B4GALNT3: variants seen among roughly 807,000 people sequenced by gnomAD.
The protein encoded by B4GALNT3 is beta-1,4-N-acetyl-galactosaminyltransferase 3.
In B4GALNT3, 86 loss-of-function variants were observed where a neutral mutation model predicts 120.2. The observed-to-expected ratio is 0.72, with a 90% CI of 0.60 to 0.86. B4GALNT3 has a LOEUF of 0.86. Among genes scored for constraint, B4GALNT3 ranks in the 40% least tolerant of loss-of-function variants. The pLI, the probability that B4GALNT3 is intolerant of heterozygous loss-of-function variation, is 0.00. For synonymous variants in B4GALNT3, 518 were observed against 510.4 expected (o/e 1.01, Z -0.20); for missense variants, 1,167 against 1,298.9 (o/e 0.90, Z 1.56).
At chr12:496,070 G>T (rs183838410) in intron 1 of B4GALNT3, among the ~76,000 whole-genome samples, 1 of 152,214 alleles carries the variant, frequency 6.6e-6, no homozygotes, top group Admixed American at 6.5e-5. Flanking sequence ...CTTCAGAGTT[G>T]CAGAGAACCC....
intron 1 of B4GALNT3, among the ~76,000 whole-genome samples, chr12:529,027 G>A (rs1946782203): frequency 1.3e-5 from 2 of 152,126 alleles, no homozygotes; most frequent in Admixed American, 1.3e-4. Context: ...CAGGTCCTTT[G>A]CATGTGGTGG....
intron 12 of B4GALNT3, 56 bp downstream of exon 12, chr12:552,219 C>G: frequency 6.8e-7 from 1 of 1,473,038 alleles, no homozygotes; most frequent in Non-Finnish European, 9.5e-7. Flanking sequence ...CTGCGGGAGC[C>G]AGGAGAGCTG....
chr12:505,663 C>G (rs1457865384), intron 1 of B4GALNT3, among the ~76,000 whole-genome samples: 3 of 152,328 alleles, frequency 2.0e-5, no homozygotes, highest in Non-Finnish European at 2.9e-5. Flanking sequence ...AGTATTGTCT[C>G]CCTGCCACAC....
intron 1 of B4GALNT3, among the ~76,000 whole-genome samples, chr12:531,180 T>C (rs560885241): frequency 6.6e-6 from 1 of 151,584 alleles, no homozygotes; most frequent in East Asian, 1.9e-4. Context: ...GAAGAGGAAA[T>C]ATCCCAATGC....
chr12:540,898 C>T lies in B4GALNT3; in HGVS notation c.352-3441C>T, dbSNP rs55838918. Among the ~76,000 whole-genome samples the T allele has an allele frequency of 4.8e-3, 731 of 152,288 alleles. 6 individuals are homozygous for T. The highest frequency in any genetic ancestry group is 0.016 in the African/African-American group (678 of 41,556). ...AGCTGGGACTACAGGCACCCACCAC[C>T]GCGCCCAGCTAATTTTTTGTATTTT... is the stretch of plus-strand genomic sequence containing the variant. On this transcript the variant is annotated intron_variant, in intron 3 of 19. Coordinates refer to ENST00000266383, the MANE Select transcript of B4GALNT3 (RefSeq NM_173593.4).
At chr12:532,665 C>T (rs1946819444) in intron 1 of B4GALNT3, among the ~76,000 whole-genome samples, 1 of 152,120 alleles carries the variant, frequency 6.6e-6, no homozygotes, top group East Asian at 1.9e-4. Context: ...GGGGGTTCTA[C>T]TAAACTGACC....
intron 1 of B4GALNT3, among the ~76,000 whole-genome samples, chr12:485,817 A>G (rs146038174): frequency 0.014 from 2,149 of 152,288 alleles, 206 homozygotes; most frequent in Admixed American, 0.13. Context: ...CCTAACCACA[A>G]GTAAAGAGCT....
intron 1 of B4GALNT3, among the ~76,000 whole-genome samples, chr12:492,331 G>A (rs1270982751): frequency 6.6e-6 from 1 of 152,186 alleles, no homozygotes; most frequent in East Asian, 1.9e-4. Flanking sequence ...CAATGAACAA[G>A]TGGAATTTGA....
rs768340763 is a variant in B4GALNT3 at position 549,876 on chromosome 12, A to G, written c.961A>G (p.Met321Val). 9.3e-6 allele frequency: 15 copies of G among 1,613,452 alleles called. No individual in the cohort carries two copies. Among genetic ancestry groups the G allele is most frequent in the African/African-American group, 1.3e-5 (1 of 74,932 alleles). ...CAGGGATGAGCAGCCGCCCGCTGACATGCTTCGGCCTGACCCCCGGGACAC... is the reference window on the plus strand; with the variant it reads ...CAGGGATGAGCAGCCGCCCGCTGACGTGCTTCGGCCTGACCCCCGGGACAC... ...LPRDEQPPADMLRPDPRDTLY... is the reference protein window; with the variant it reads ...LPRDEQPPADVLRPDPRDTLY... Residue 321 changes from methionine (M) to valine (V), a missense_variant, in exon 10 of 20, where the codon ATG becomes GTG. Physicochemically the swap from Met to Val is conservative, Grantham distance 21. Transcript: ENST00000266383.
intron 1 of B4GALNT3, among the ~76,000 whole-genome samples, chr12:474,664 T>G (rs1292965349): frequency 1.3e-5 from 2 of 151,462 alleles, no homozygotes; most frequent in African/African-American, 2.4e-5. Flanking sequence ...ACATAAAATT[T>G]AAAAATTAGC....
intron 1 of B4GALNT3, among the ~76,000 whole-genome samples, chr12:476,157 A>G (rs955562218): frequency 1.2e-4 from 18 of 152,216 alleles, no homozygotes; most frequent in African/African-American, 3.4e-4. Context: ...TTGAGCCTCA[A>G]TATGTCCCAG....
chr12:476,279 G>T (rs1229786895), intron 1 of B4GALNT3, among the ~76,000 whole-genome samples: 1 of 152,152 alleles, frequency 6.6e-6, no homozygotes, highest in Non-Finnish European at 1.5e-5. Context: ...CTAATACATA[G>T]TGTTTGATAA....
At chr12:517,156 A>G (rs895090177) in intron 1 of B4GALNT3, among the ~76,000 whole-genome samples, 16 of 152,324 alleles carry the variant, frequency 1.1e-4, no homozygotes, top group African/African-American at 3.6e-4. Context: ...GGCTAAGGCT[A>G]GGGAAGTCAT....
At chr12:546,295 G>A (rs1241019095) in intron 6 of B4GALNT3, among the ~76,000 whole-genome samples, 1 of 147,548 alleles carries the variant, frequency 6.8e-6, no homozygotes, top group Non-Finnish European at 1.5e-5. Flanking sequence ...AGAGAGTGCG[G>A]ACAGGGAGGA....
At chr12:546,191 G>A (rs1404770039) in intron 6 of B4GALNT3, among the ~76,000 whole-genome samples, 1 of 116,728 alleles carries the variant, frequency 8.6e-6, no homozygotes, top group African/African-American at 3.3e-5. Context: ...TGAGAAGTGG[G>A]CAGGGGGTGT....
In B4GALNT3 at chr12:506,168, A is replaced by G. The variant is rs77598140; in HGVS notation, c.170-28998A>G. Among the ~76,000 whole-genome samples the G allele has an allele frequency of 1.7e-3, 261 of 152,242 alleles. 1 individual carries two copies. Among genetic ancestry groups the G allele is most frequent in the African/African-American group, 6.0e-3 (248 of 41,546 alleles). On this transcript the variant is annotated intron_variant, in intron 1 of 19. Coordinates refer to ENST00000266383, the MANE Select transcript of B4GALNT3 (RefSeq NM_173593.4). The stretch of plus-strand genomic sequence containing the variant: ...GCAGGCTTTATTATTTCAGGCATCC[A>G]TGATGGATCTGCTAGCAACAGGAAA...
At position 534,405 on chromosome 12, in the gene B4GALNT3, C is replaced by T. The variant is rs528373697; in HGVS notation, c.170-761C>T. Among the ~76,000 whole-genome samples, 14 of 152,246 alleles carry T rather than the reference C, an allele frequency of 9.2e-5. No individual in the cohort carries two copies. The South Asian group carries it at 2.9e-3, about 32-fold the overall frequency. On this transcript the variant is annotated intron_variant, in intron 1 of 19. Coordinates refer to ENST00000266383, the MANE Select transcript of B4GALNT3 (RefSeq NM_173593.4). ...GGCCGGCCGCCGGACTGATTCTCCCCGGCCCTCACCCTGGTGCAGCCCCTT... is the reference window on the plus strand; with the variant it reads ...GGCCGGCCGCCGGACTGATTCTCCCTGGCCCTCACCCTGGTGCAGCCCCTT...
At chr12:512,326 T>C (rs1946590716) in intron 1 of B4GALNT3, among the ~76,000 whole-genome samples, 2 of 121,302 alleles carry the variant, frequency 1.6e-5, no homozygotes, top group Admixed American at 9.0e-5. Flanking sequence ...ACCTTCCACC[T>C]TCCACCTTCC....
chr12:549,711 G>C (rs924555458), intron 9 of B4GALNT3, 58 bp from the exon 10 acceptor site: 1 of 1,606,618 alleles, frequency 6.2e-7, no homozygotes, highest in Non-Finnish European at 8.5e-7. Context: ...TTCAAGGGCA[G>C]TGGGCTGCTG....
Sources: gnomAD v4.1 joint callset for allele counts (sites outside exome capture counted in the v4.1 genomes callset) on GRCh38, gnomAD v4.1.1 for gene constraint, MANE v1.5 for transcripts, NCBI Gene and HGNC (gene_info 2026-07-23, HGNC 2026-07-21) for gene names.